The following POLN variants were observed in gnomAD, a reference collection of about 807,000 sequenced individuals.
POLN encodes the protein DNA polymerase nu.
In POLN, 108 loss-of-function variants were observed where a neutral mutation model predicts 113.5. The observed-to-expected ratio is 0.95, with a 90% confidence interval of 0.81 to 1.12. The LOEUF (loss-of-function observed/expected upper bound fraction) is 1.12. Among genes scored for constraint, POLN ranks in the 50% most tolerant of loss-of-function variants. POLN has a pLI of 0.00. For synonymous variants in POLN, 386 were observed against 391.5 expected (o/e 0.99, Z 0.17); for missense variants, 1,097 against 1,077.1 (o/e 1.02, Z -0.26).
chr4:2,121,520 A>G (rs1731442665), intron 19 of POLN, among the ~76,000 whole-genome samples: 2 of 151,630 alleles, frequency 1.3e-5, no homozygotes, highest in African/African-American at 4.8e-5. Flanking sequence ...TTTAAGGGAC[A>G]AACTCAATTT....
chr4:2,226,199 G>A (rs1351106066), intron 3 of POLN, among the ~76,000 whole-genome samples: 2 of 152,186 alleles, frequency 1.3e-5, no homozygotes, highest in Non-Finnish European at 2.9e-5. Flanking sequence ...AGAGAAGCAG[G>A]CAGGCTGTCT....
chr4:2,238,817 T>C (rs748207491), intron 2 of POLN: 2 of 1,613,466 alleles, frequency 1.2e-6, no homozygotes, highest in Non-Finnish European at 1.7e-6. Context: ...TGCCTTTTGT[T>C]TTATTAATTG....
chr4:2,079,514 G>A (rs775172060), intron 23 of POLN: 44 of 985,656 alleles, frequency 4.5e-5, no homozygotes, highest in Middle Eastern at 5.2e-4. Context: ...TTGTGTGTGC[G>A]TGTGTGTGCA....
chr4:2,137,987 C>A (rs1010302313), intron 16 of POLN, among the ~76,000 whole-genome samples: 1 of 152,034 alleles, frequency 6.6e-6, no homozygotes, highest in African/African-American at 2.4e-5. Context: ...TATAGGTGTA[C>A]GCCACCACGC....
intron 16 of POLN, among the ~76,000 whole-genome samples, chr4:2,134,689 T>C (rs1164772866): frequency 6.6e-6 from 1 of 152,192 alleles, no homozygotes; most frequent in East Asian, 1.9e-4. Flanking sequence ...AAACCTCCTC[T>C]AGCTCCCTAA....
At chr4:2,129,804 G>C (rs762304737) in intron 17 of POLN, among the ~76,000 whole-genome samples, 1 of 152,042 alleles carries the variant, frequency 6.6e-6, no homozygotes, top group Non-Finnish European at 1.5e-5. Flanking sequence ...AAAGTCAAAC[G>C]TTGACAACCA....
chr4:2,213,091 A>G lies in POLN; in HGVS notation c.169T>C (p.Ser57Pro). The change falls in exon 4 of 26, where the codon TCA (serine) becomes CCA (proline). Residue 57 changes from serine (S) to proline (P), a missense_variant. Transcript: ENST00000511885. The part of the protein sequence containing the change: ...EVINKSSVKY[S>P]VQLEDRKTQS... ...GTCTTCCTGTCTTCAAGTTGTACTG[A>G]ATACTTAACACTGGACTTGTTTATC... The G allele has an allele frequency of 6.2e-7, 1 of 1,610,740 alleles. No homozygotes were observed. The highest frequency in any genetic ancestry group is 2.2e-5 in the East Asian group (1 of 44,754).
chr4:2,161,707 C>T (rs1012397149), intron 13 of POLN, among the ~76,000 whole-genome samples: 7 of 152,218 alleles, frequency 4.6e-5, no homozygotes, highest in African/African-American at 7.2e-5. Context: ...GTGCGAGATC[C>T]GCTGGGTGAA....
intron 13 of POLN, among the ~76,000 whole-genome samples, chr4:2,167,243 A>G (rs1732751466): frequency 6.6e-6 from 1 of 152,152 alleles, no homozygotes; most frequent in African/African-American, 2.4e-5. Flanking sequence ...CCCAGAAATG[A>G]TGAGTGGCTG....
intron 24 of POLN, among the ~76,000 whole-genome samples, chr4:2,074,406 C>G (rs1730228179): frequency 6.6e-6 from 1 of 152,208 alleles, no homozygotes; most frequent in Non-Finnish European, 1.5e-5. Flanking sequence ...GCCTCAGGAG[C>G]TGCCAGGCCA....
rs772350358 is a variant in POLN at position 2,156,768 on chromosome 4, C to T, written c.1731+20G>A. The T allele has an allele frequency of 2.5e-6, 4 of 1,592,650 alleles. No homozygotes were observed. Among genetic ancestry groups the T allele is most frequent in the Non-Finnish European group, 3.4e-6 (4 of 1,160,384 alleles). On this transcript the variant is annotated intron_variant, in intron 16 of 25. Transcript: ENST00000511885. ...GCAGGAAAATGGCGTTTAACAAAGA[C>T]AGTTGTTTAAACAACTTACAGGATG...
At chr4:2,155,982 C>T (rs1343705095) in intron 16 of POLN, among the ~76,000 whole-genome samples, 1 of 151,982 alleles carries the variant, frequency 6.6e-6, no homozygotes, top group Non-Finnish European at 1.5e-5. Flanking sequence ...CTACAGGCAC[C>T]CGCCACCACG....
chr4:2,223,249 CCCAA>C (rs1734304417), intron 3 of POLN, among the ~76,000 whole-genome samples: 1 of 152,030 alleles, frequency 6.6e-6, no homozygotes, highest in Non-Finnish European at 1.5e-5. Flanking sequence ...ATCAAGGGTC[CCCAA>C]CCCCTGAAGT....
rs200974947 is a variant in POLN at position 2,208,221 on chromosome 4, T to C, written c.480A>G (p.Thr160=). 1.3e-6 allele frequency: 2 copies of C among 1,589,482 alleles called. No homozygotes were observed. Among genetic ancestry groups the C allele is most frequent in the Admixed American group, 1.7e-5 (1 of 59,596 alleles). The change falls in exon 5 of 26, where the codon ACA becomes ACG. Residue 160 remains threonine, a synonymous_variant. Transcript: ENST00000511885. ...TTGTTTTCTCTGACAAATTATTATA[T>C]GTAATATGTTTTCTTTTAAGATTAA... The part of the protein sequence containing the change: ...GSINLKRKHI[T]YNNLSEKTSK...
intron 19 of POLN, among the ~76,000 whole-genome samples, chr4:2,098,192 T>A (rs1271105644): frequency 1.3e-5 from 2 of 152,080 alleles, no homozygotes; most frequent in Non-Finnish European, 2.9e-5. Flanking sequence ...GGTGGAGGGA[T>A]CATTTGAGGC....
At chr4:2,072,610 G>A (rs1730176031) in intron 25 of POLN, among the ~76,000 whole-genome samples, 1 of 152,208 alleles carries the variant, frequency 6.6e-6, no homozygotes, top group African/African-American at 2.4e-5. Context: ...GGGTGGGTGT[G>A]TCCTGGGGCA....
intron 2 of POLN, chr4:2,232,294 C>T (rs1256869653): frequency 4.2e-6 from 2 of 481,010 alleles, no homozygotes; most frequent in African/African-American, 2.0e-5. Flanking sequence ...AAATAAACCT[C>T]GATTTAAAAT....
intron 20 of POLN, among the ~76,000 whole-genome samples, chr4:2,087,546 G>A (rs1483447747): frequency 6.6e-6 from 1 of 152,148 alleles, no homozygotes; most frequent in Non-Finnish European, 1.5e-5. Context: ...TTCAGTTCTA[G>A]AAATTCCATT....
chr4:2,227,616 A>G (rs936188956), intron 3 of POLN: 1 of 152,208 alleles, frequency 6.6e-6, no homozygotes, highest in African/African-American at 2.4e-5. Flanking sequence ...TTAACAAACA[A>G]AAGCCAGAAT....
Sources: gnomAD v4.1 joint callset for allele counts (sites outside exome capture counted in the v4.1 genomes callset) on GRCh38, gnomAD v4.1.1 for gene constraint, MANE v1.5 for transcripts, NCBI Gene and HGNC (gene_info 2026-07-23, HGNC 2026-07-21) for gene names.